PHF12: variants seen among roughly 807,000 people sequenced by gnomAD.
PHF12 encodes PHD finger protein 12, also known as PHD factor 1.
PHF12 carries 6 observed loss-of-function variants against 99.8 expected under a neutral mutation model. The observed-to-expected ratio is 0.06, with a 90% CI of 0.03 to 0.12. PHF12 has a LOEUF of 0.12. PHF12 is among the 10% of genes least tolerant of loss of function. The probability of loss-of-function intolerance (pLI) is 1.00; values close to 1 mark genes in which losing one functional copy is unlikely to be tolerated. For missense variants in PHF12, 954 were observed against 1,300.1 expected (o/e 0.73, Z 4.09); for synonymous variants, 480 against 514.9 (o/e 0.93, Z 0.92).
intron 7 of PHF12, among the ~76,000 whole-genome samples, chr17:28,914,254 T>G (rs1447688286): frequency 6.6e-6 from 1 of 152,162 alleles, no homozygotes; most frequent in Non-Finnish European, 1.5e-5. Flanking sequence ...CAGAAACCAC[T>G]GCGTTCTGTC....
At chr17:28,933,470 T>G (rs539953973) in intron 2 of PHF12, among the ~76,000 whole-genome samples, 1 of 152,354 alleles carries the variant, frequency 6.6e-6, no homozygotes, top group South Asian at 2.1e-4. Flanking sequence ...TCCTGGCTCT[T>G]TGAAATCTTG....
chr17:28,939,130 C>T (rs940634514), intron 2 of PHF12, among the ~76,000 whole-genome samples: 3 of 152,242 alleles, frequency 2.0e-5, no homozygotes, highest in Non-Finnish European at 4.4e-5. Context: ...TGCCTGATAT[C>T]ACAGAATTAG....
Position 28,906,584 on chromosome 17 carries a change from A to C in PHF12, c.2681-67T>G. 6.7e-7 allele frequency: 1 copy of C among 1,496,248 alleles called. No homozygotes were observed. Among genetic ancestry groups the C allele is most frequent in the Non-Finnish European group, 9.0e-7 (1 of 1,107,740 alleles). The allele number at this position is 1,496,248 out of a possible 1,614,324, so 92.7% of individuals were successfully genotyped here. A position where few individuals can be genotyped will look rare whatever the true frequency, so the allele number is the denominator to read the frequency against. The stretch of plus-strand genomic sequence containing the variant: ...AGCCAACCCATGTGGGCTGTTTGCC[A>C]AGGTTGGGCTCCTGCATCTCCCCAT... On this transcript the variant is annotated intron_variant, in intron 14 of 14. Transcript: ENST00000332830. This position sits in a 1 kb window ranked among gnomAD's most constrained non-coding sequence, Gnocchi z 4.2.
chr17:28,922,078 C>G (rs914274360), intron 4 of PHF12, among the ~76,000 whole-genome samples: 8 of 152,090 alleles, frequency 5.3e-5, no homozygotes, highest in Admixed American at 5.2e-4. Flanking sequence ...ATAAAATGGT[C>G]AGAAATGCTA....
chr17:28,947,807 G>A (rs1369607213), intron 2 of PHF12, among the ~76,000 whole-genome samples: 11 of 151,836 alleles, frequency 7.2e-5, no homozygotes, highest in East Asian at 5.8e-4. Context: ...ATCTTCAAAG[G>A]GAGAATTGGA....
At chr17:28,914,671 CAAAAA>C (rs61203588) in intron 7 of PHF12, among the ~76,000 whole-genome samples, 10 of 30,334 alleles carry the variant, frequency 3.3e-4, no homozygotes, top group African/African-American at 7.6e-4. Flanking sequence ...GACTCCGTCT[CAAAAA>C]AAAAAAAAAA....
At chr17:28,930,336 C>T (rs899457389) in intron 2 of PHF12, among the ~76,000 whole-genome samples, 1 of 152,216 alleles carries the variant, frequency 6.6e-6, no homozygotes, top group African/African-American at 2.4e-5. Context: ...ATGTCTGAAT[C>T]CCCTTCTCCA....
chr17:28,920,841 G>C (rs576324462), intron 5 of PHF12, among the ~76,000 whole-genome samples: 1 of 148,568 alleles, frequency 6.7e-6, no homozygotes, highest in Non-Finnish European at 1.5e-5. Flanking sequence ...GATTACAGGC[G>C]TGAGCCACCA....
At position 28,911,717 on chromosome 17, in the gene PHF12, C is replaced by T. The variant is rs533881238; in HGVS notation, c.2090-480G>A. Among the ~76,000 whole-genome samples, 6 of 152,292 alleles carry T rather than the reference C, an allele frequency of 3.9e-5. No homozygotes were observed. The South Asian group carries it at 8.3e-4, about 21-fold the overall frequency. ...CAGAGAAATCACAATCATCTGGTTACCGAGACTCCCAGCTGACTAGGAGGC... is the reference window on the plus strand; with the variant it reads ...CAGAGAAATCACAATCATCTGGTTATCGAGACTCCCAGCTGACTAGGAGGC... On this transcript the variant is annotated intron_variant, in intron 9 of 14. Coordinates refer to ENST00000332830, the MANE Select transcript of PHF12 (RefSeq NM_001033561.2).
chr17:28,941,475 T>C (rs1471661747), intron 2 of PHF12, among the ~76,000 whole-genome samples: 1 of 152,188 alleles, frequency 6.6e-6, no homozygotes, highest in Non-Finnish European at 1.5e-5. Flanking sequence ...TCTGGGCTTA[T>C]ATAAAGATAC....
At chr17:28,933,965 T>G (rs749018141) in intron 2 of PHF12, among the ~76,000 whole-genome samples, 2 of 152,054 alleles carry the variant, frequency 1.3e-5, no homozygotes, top group Non-Finnish European at 2.9e-5. Flanking sequence ...GAGGATCACT[T>G]GAGTCCAGGA....
At chr17:28,907,378 A>G (rs1319873526) in intron 13 of PHF12, 2 of 568,800 alleles carry the variant, frequency 3.5e-6, no homozygotes, top group East Asian at 3.1e-5. Context: ...CCTCAGGAAA[A>G]ATGGTAGCCC....
chr17:28,906,866 C>G lies in PHF12; in HGVS notation c.2670G>C (p.Gln890His). ...TCTGCTCCAACTTACTGATGACACT[C>G]TGCACTTTGGCAACAATACTGCTTG... ...TPPSSIVAKVQSVIRRRRHQK... is the reference protein window; with the variant it reads ...TPPSSIVAKVHSVIRRRRHQK... Residue 890 changes from glutamine to histidine, a missense_variant, in exon 14 of 15, where the codon CAG (glutamine) becomes CAC (histidine). By Grantham distance (24) the Gln-to-His change is conservative (BLOSUM62 0). This residue lies in a region of PHF12 where 136 missense variants were observed against 172.3 expected (regional missense o/e 0.79). Coordinates refer to ENST00000332830, the MANE Select transcript of PHF12 (RefSeq NM_001033561.2). The surrounding 1 kb of genome is among the most constrained non-coding windows in gnomAD (Gnocchi z 4.2). The G allele has an allele frequency of 1.2e-6, 2 of 1,604,964 alleles. No homozygotes were observed. Among genetic ancestry groups the G allele is most frequent in the Non-Finnish European group, 1.7e-6 (2 of 1,175,624 alleles).
Position 28,924,305 on chromosome 17 carries a change from GT to G in PHF12, c.322-4del. 6.2e-7 allele frequency: 1 copy of G among 1,614,166 alleles called. No individual in the cohort carries two copies. The highest frequency in any genetic ancestry group is 1.3e-5 in the African/African-American group (1 of 75,042). ...AGCTCCTTTTTCTGCTCTCGTTTCT[GT>G]GCAAATGAACAGGTGGGCCCATCAT... On this transcript the variant is annotated splice_polypyrimidine_tract_variant and splice_region_variant and intron_variant, in intron 3 of 14. Transcript: ENST00000332830.
chr17:28,925,545 G>C (rs1188023912), intron 3 of PHF12: 1 of 152,298 alleles, frequency 6.6e-6, no homozygotes, highest in Admixed American at 6.5e-5. Flanking sequence ...TGAAAGGTAA[G>C]AGAGGCATCT....
chr17:28,934,504 A>T (rs565280100), intron 2 of PHF12, among the ~76,000 whole-genome samples: 1 of 152,324 alleles, frequency 6.6e-6, no homozygotes, highest in African/African-American at 2.4e-5. Flanking sequence ...TACCTGATAA[A>T]AGGAAGGTTC....
chr17:28,951,499 C>G lies in PHF12; in HGVS notation c.-539G>C. 1.0e-6 allele frequency: 1 copy of G among 983,076 alleles called. No homozygotes were observed. The highest frequency in any genetic ancestry group is 1.2e-6 in the Non-Finnish European group (1 of 829,206). 60.9% of individuals were successfully genotyped at this position (983,076 alleles called of 1,614,324 possible). A position where few individuals can be genotyped will look rare whatever the true frequency, so the allele number is the denominator to read the frequency against. ...GCCCGCAAAGCCACCCGCGCAGGCG[C>G]CCCGGGATCGGCGCTCGCCGCGCGC... is the stretch of plus-strand genomic sequence containing the variant. On this transcript the variant is annotated 5_prime_UTR_variant, in exon 1 of 15. Coordinates refer to ENST00000332830, the MANE Select transcript of PHF12 (RefSeq NM_001033561.2).
intron 2 of PHF12, among the ~76,000 whole-genome samples, chr17:28,927,498 T>G (rs1241393959): frequency 1.3e-5 from 2 of 152,200 alleles, no homozygotes; most frequent in Non-Finnish European, 2.9e-5. Context: ...ATACTCTTCC[T>G]TTAGAAAGCT....
At chr17:28,910,616 A>C in intron 10 of PHF12, 2 of 554,400 alleles carry the variant, frequency 3.6e-6, no homozygotes, top group Non-Finnish European at 6.4e-6. Context: ...GATTTTAATT[A>C]AAGTGCCCCT....
Sources: gnomAD v4.1 joint callset for allele counts (sites outside exome capture counted in the v4.1 genomes callset) on GRCh38, gnomAD v4.1.1 for gene constraint, gnomAD v4.1.1 regional missense constraint, Gnocchi (gnomAD v3.1) non-coding constraint, MANE v1.5 for transcripts, NCBI Gene and HGNC (gene_info 2026-07-23, HGNC 2026-07-21) for gene names.